Variants in RBL1 observed in about 807,000 individuals in gnomAD.
The protein encoded by RBL1 is RB transcriptional corepressor like 1, also known as retinoblastoma-like protein 1.
RBL1 carries 82 observed loss-of-function variants against 123.0 expected under a neutral mutation model. The observed-to-expected ratio is 0.67, with a 90% CI of 0.56 to 0.80. The LOEUF is 0.80. RBL1 is among the 30% of genes least tolerant of loss of function. The pLI, the probability that RBL1 is intolerant of heterozygous loss-of-function variation, is 0.00. For synonymous variants in RBL1, 405 were observed against 441.3 expected (o/e 0.92, Z 1.03); for missense variants, 1,171 against 1,299.6 (o/e 0.90, Z 1.52).
chr20:37,067,383 A>G (rs1199445400), intron 3 of RBL1, 86 bp from the exon 4 acceptor site: 3 of 992,136 alleles, frequency 3.0e-6, no homozygotes, highest in Non-Finnish European at 4.4e-6. Flanking sequence ...TATCAAATAG[A>G]TCAAATTACA....
chr20:37,000,987 C>T (rs1414262131), intron 21 of RBL1, among the ~76,000 whole-genome samples: 1 of 143,344 alleles, frequency 7.0e-6, no homozygotes. Flanking sequence ...GAGAGGAGCC[C>T]CTCTGCCTGG....
At chr20:37,044,037 T>TG in intron 13 of RBL1, 49 bp downstream of exon 13, 14 of 1,339,220 alleles carry the variant, frequency 1.0e-5, no homozygotes, top group Non-Finnish European at 1.4e-5. Flanking sequence ...AAGCTGGTTT[T>TG]TTTTTTTTTT....
intron 2 of RBL1, among the ~76,000 whole-genome samples, chr20:37,085,929 G>T (rs1016421587): frequency 1.3e-5 from 2 of 151,822 alleles, no homozygotes; most frequent in African/African-American, 4.8e-5. Context: ...GACTACAGGC[G>T]TGAGCCACCG....
chr20:37,011,048 G>A lies in RBL1; in HGVS notation c.2723-3489C>T, dbSNP rs528512864. ...TTGCTCATGCTGGTCTTTAATTTCC[G>A]GGCTCAAGGGATCCTCCTGCCTCAG... On this transcript the variant is annotated intron_variant, in intron 19 of 21. Coordinates refer to ENST00000373664, the MANE Select transcript of RBL1 (RefSeq NM_002895.5). Among the ~76,000 whole-genome samples, 9 of 152,030 alleles carry A rather than the reference G, an allele frequency of 5.9e-5. No individual in the cohort carries two copies. In the East Asian group the frequency reaches 7.7e-4, roughly 13 times the overall value.
At chr20:37,035,125 A>G in intron 15 of RBL1, 117 bp downstream of exon 15, 1 of 1,069,700 alleles carries the variant, frequency 9.3e-7, no homozygotes, top group Non-Finnish European at 1.3e-6. Flanking sequence ...TTAAAAAAAA[A>G]AAGTATAGGT....
At chr20:37,087,249 C>T (rs951892366) in intron 2 of RBL1, among the ~76,000 whole-genome samples, 18 of 151,938 alleles carry the variant, frequency 1.2e-4, no homozygotes, top group African/African-American at 3.9e-4. Flanking sequence ...GCAGGAGAAT[C>T]GCTTGAACCC....
chr20:37,032,936 T>C (rs775767121), intron 15 of RBL1, 60 bp from the exon 16 acceptor site: 8 of 1,589,254 alleles, frequency 5.0e-6, no homozygotes, highest in East Asian at 2.2e-5. Context: ...TTGTCAACTA[T>C]ATATATTTTG....
At chr20:37,015,591 C>T (rs138988038) in intron 19 of RBL1, among the ~76,000 whole-genome samples, 147 of 152,100 alleles carry the variant, frequency 9.7e-4, no homozygotes, top group East Asian at 3.9e-3. Flanking sequence ...CCACCACGCC[C>T]GGAGAATTTT....
At chr20:37,027,031 A>T (rs549766969) in intron 16 of RBL1, among the ~76,000 whole-genome samples, 1 of 151,610 alleles carries the variant, frequency 6.6e-6, no homozygotes, top group South Asian at 2.1e-4. Context: ...AACAACAAAA[A>T]AAAACCAAAA....
chr20:37,011,712 G>T (rs951570056), intron 19 of RBL1, among the ~76,000 whole-genome samples: 1 of 152,082 alleles, frequency 6.6e-6, no homozygotes, highest in Non-Finnish European at 1.5e-5. Context: ...TGGGATTACA[G>T]GTGTGAGCCA....
intron 19 of RBL1, among the ~76,000 whole-genome samples, chr20:37,010,173 C>T (rs1421783519): frequency 6.6e-6 from 1 of 152,028 alleles, no homozygotes; most frequent in African/African-American, 2.4e-5. Flanking sequence ...GTCTGGGCAA[C>T]ACAGTGAGAC....
At chr20:37,061,929 C>T (rs927897647) in intron 8 of RBL1, among the ~76,000 whole-genome samples, 155 bp downstream of exon 8, 22 of 152,070 alleles carry the variant, frequency 1.4e-4, no homozygotes, top group African/African-American at 4.8e-4. Context: ...ATACTAAATG[C>T]CAGTTTTAAA....
intron 2 of RBL1, among the ~76,000 whole-genome samples, chr20:37,074,065 C>T (rs1217674389): frequency 2.0e-5 from 3 of 151,878 alleles, no homozygotes; most frequent in African/African-American, 2.4e-5. Context: ...GAGCTGAGAT[C>T]GCGCCACTGC....
Position 37,053,558 on chromosome 20 carries a change from T to C in RBL1, c.1467+1995A>G, listed in dbSNP as rs77726420. On this transcript the variant is annotated intron_variant, in intron 11 of 21. Coordinates refer to ENST00000373664, the MANE Select transcript of RBL1 (RefSeq NM_002895.5). ...AGGAATAACTGGATAAGTAATAATCTTCCTTATTTTTATTACTTTCTCTTA... is the reference window on the plus strand; with the variant it reads ...AGGAATAACTGGATAAGTAATAATCCTCCTTATTTTTATTACTTTCTCTTA... 7.2e-5 allele frequency among the ~76,000 whole-genome samples: 11 copies of C among 152,298 alleles called. No individual in the cohort carries two copies. In the East Asian group the frequency reaches 2.1e-3, roughly 29 times the overall value.
intron 11 of RBL1, among the ~76,000 whole-genome samples, chr20:37,052,637 G>A (rs1470687009): frequency 1.3e-5 from 2 of 152,200 alleles, no homozygotes; most frequent in African/African-American, 4.8e-5. Context: ...AGACTCCTGA[G>A]TAGCTGGGAC....
At chr20:37,024,685 A>C (rs1234523744) in intron 16 of RBL1, among the ~76,000 whole-genome samples, 2 of 152,228 alleles carry the variant, frequency 1.3e-5, no homozygotes, top group African/African-American at 4.8e-5. Context: ...TGAAAGGAAA[A>C]GGATGTTAGA....
At chr20:37,002,024 A>C (rs1321924763) in intron 21 of RBL1, among the ~76,000 whole-genome samples, 1 of 148,410 alleles carries the variant, frequency 6.7e-6, no homozygotes, top group Non-Finnish European at 1.5e-5. Context: ...GACCAGAAGC[A>C]GCAGAAGCAT....
chr20:37,000,748 C>G (rs1260399372), intron 21 of RBL1, among the ~76,000 whole-genome samples: 1 of 132,002 alleles, frequency 7.6e-6, no homozygotes, highest in African/African-American at 2.9e-5. Context: ...GCCCGGCCAG[C>G]CGCCCCGTCC....
chr20:37,067,189 G>T, intron 4 of RBL1, 44 bp downstream of exon 4: 1 of 1,563,972 alleles, frequency 6.4e-7, no homozygotes, highest in Non-Finnish European at 8.6e-7. Context: ...ATAGCACCAA[G>T]TTCCCAGAGT....
Sources: gnomAD v4.1 joint callset for allele counts (sites outside exome capture counted in the v4.1 genomes callset) on GRCh38, gnomAD v4.1.1 for gene constraint, MANE v1.5 for transcripts, NCBI Gene and HGNC (gene_info 2026-07-23, HGNC 2026-07-21) for gene names.